TRIO: variants seen among roughly 807,000 people sequenced by gnomAD.
The protein encoded by TRIO is triple functional domain protein.
Under a neutral mutation model 351.9 loss-of-function variants are expected in TRIO, and 58 were observed. That is an observed-to-expected ratio of 0.16 (90% confidence interval 0.13 to 0.21). The LOEUF (loss-of-function observed/expected upper bound fraction) is 0.21. TRIO is among the 10% of genes least tolerant of loss of function. The pLI is 1.00. For missense variants in TRIO, 3,201 were observed against 4,027.8 expected (o/e 0.79, Z 5.56); for synonymous variants, 1,758 against 1,595.7 (o/e 1.10, Z -2.42).
rs1033261940 is a variant in TRIO at position 14,497,022 on chromosome 5, G to A, written c.8019+5G>A. 1.2e-6 allele frequency: 2 copies of A among 1,614,020 alleles called. No individual in the cohort carries two copies. The highest frequency in any genetic ancestry group is 1.7e-5 in the Admixed American group (1 of 59,998). On this transcript the variant is annotated splice_donor_5th_base_variant and intron_variant, in intron 50 of 56. Transcript: ENST00000344204. The surrounding 1 kb of genome is among the most constrained non-coding windows in gnomAD (Gnocchi z 4.4). Reference sequence around the variant, plus strand: ...AGCAACAAGGTATCTGTGAAGGTGTGTTCGGGGGTCTTCAGGAGTCCGTGT... The same window carrying A: ...AGCAACAAGGTATCTGTGAAGGTGTATTCGGGGGTCTTCAGGAGTCCGTGT...
rs978906407 is a variant in TRIO at position 14,228,331 on chromosome 5, T to A, written c.158-42494T>A. Among the ~76,000 whole-genome samples the A allele has an allele frequency of 2.0e-5, 3 of 152,194 alleles. No homozygotes were observed. The South Asian group carries it at 6.2e-4, about 31-fold the overall frequency. ...AAAACCATCCAGAATTGGAGACTGT[T>A]CCCTGCCGGGGGAACAGCCGCAAAC... On this transcript the variant is annotated intron_variant, in intron 1 of 56. Coordinates refer to ENST00000344204, the MANE Select transcript of TRIO (RefSeq NM_007118.4).
rs2152371734 is a variant in TRIO at position 14,396,986 on chromosome 5, T to G, written c.4312-57T>G. On this transcript the variant is annotated intron_variant, in intron 28 of 56. Transcript: ENST00000344204. ...CTTTCATAAACTGTTTCTGCCAAGGTCTTATTGGCAGAGCATTCTGCAGTC... is the reference window on the plus strand; with the variant it reads ...CTTTCATAAACTGTTTCTGCCAAGGGCTTATTGGCAGAGCATTCTGCAGTC... 4 of 1,446,524 alleles carry G rather than the reference T, an allele frequency of 2.8e-6. No homozygotes were observed. In the South Asian group the frequency reaches 3.7e-5, roughly 13 times the overall value. 89.6% of individuals were successfully genotyped at this position (1,446,524 alleles called of 1,614,324 possible).
At chr5:14,439,261 G>C (rs992483346) in intron 34 of TRIO, among the ~76,000 whole-genome samples, 1 of 152,136 alleles carries the variant, frequency 6.6e-6, no homozygotes, top group Admixed American at 6.5e-5. Flanking sequence ...TGATCCACCT[G>C]CCTCAGCCTC....
intron 21 of TRIO, among the ~76,000 whole-genome samples, chr5:14,381,764 G>C (rs1314125452): frequency 1.3e-5 from 2 of 152,204 alleles, no homozygotes; most frequent in African/African-American, 2.4e-5. Context: ...GCCTCTGTTA[G>C]TGCTTGTTCA....
Position 14,368,673 on chromosome 5 carries a change from A to C in TRIO, c.2875-35A>C, listed in dbSNP as rs376374900. ...TCCTTTCTAGTCAGTGGGGACACTG[A>C]CAAATAAGCCTTCCCTTTTGTTCTC... On this transcript the variant is annotated intron_variant, in intron 16 of 56. Transcript: ENST00000344204. 7 of 1,594,378 alleles carry C rather than the reference A, an allele frequency of 4.4e-6. No homozygotes were observed. The African/African-American group carries it at 9.4e-5, about 21-fold the overall frequency.
intron 34 of TRIO, among the ~76,000 whole-genome samples, chr5:14,459,662 C>T (rs564900843): frequency 3.9e-4 from 60 of 152,232 alleles, no homozygotes; most frequent in African/African-American, 1.3e-3. Context: ...CTCTTGAACC[C>T]GGGAGGCAGA....
chr5:14,321,223 A>G (rs1464617372), intron 9 of TRIO, among the ~76,000 whole-genome samples: 3 of 152,210 alleles, frequency 2.0e-5, no homozygotes, highest in Admixed American at 6.5e-5. Flanking sequence ...GGAGTGGGCA[A>G]TGGGAATTCC....
At chr5:14,311,449 G>A (rs529026748) in intron 8 of TRIO, among the ~76,000 whole-genome samples, 18 of 152,300 alleles carry the variant, frequency 1.2e-4, no homozygotes, top group East Asian at 3.9e-4. Context: ...TCTCCCTGAA[G>A]CATGGGAAAG....
intron 1 of TRIO, among the ~76,000 whole-genome samples, chr5:14,242,861 G>C (rs1320846375): frequency 2.6e-5 from 4 of 152,178 alleles, no homozygotes; most frequent in African/African-American, 9.7e-5. Context: ...ACTCTACTCT[G>C]CATTGTTGGA....
intron 9 of TRIO, among the ~76,000 whole-genome samples, chr5:14,328,444 CTAGT>C (rs771457968): frequency 3.5e-4 from 53 of 152,294 alleles, no homozygotes; most frequent in African/African-American, 1.2e-3. Context: ...GCTCAATACA[CTAGT>C]TAGTGTGCTC....
At chr5:14,484,706 C>T (rs551851795) in intron 46 of TRIO, among the ~76,000 whole-genome samples, 32 of 152,304 alleles carry the variant, frequency 2.1e-4, no homozygotes, top group Non-Finnish European at 3.4e-4. Flanking sequence ...CATCTGTCTT[C>T]ACAACTCTTC....
intron 2 of TRIO, among the ~76,000 whole-genome samples, chr5:14,273,047 T>C (rs987026673): frequency 6.6e-6 from 1 of 152,192 alleles, no homozygotes; most frequent in Non-Finnish European, 1.5e-5. Flanking sequence ...TTACCACTAA[T>C]TCCAGAACCT....
chr5:14,297,843 A>G (rs555715455), intron 7 of TRIO, among the ~76,000 whole-genome samples: 1 of 152,176 alleles, frequency 6.6e-6, no homozygotes. Flanking sequence ...AGCACACCTC[A>G]GCTCCACGCA....
Position 14,508,409 on chromosome 5 carries a change from T to C in TRIO, c.9281T>C (p.Leu3094Pro), listed in dbSNP as rs1430703650. The stretch of plus-strand genomic sequence containing the variant: ...AAAAACTTTCTGCAGAGCAGGCTTC[T>C]GCCTAGAGTTTGACCTATCCAGAAG... ...SIKNFLQSRL[L>P]PRV The change falls in exon 57 of 57, where the codon CTG becomes CCG. Residue 3094 changes from leucine (L) to proline (P), a missense_variant. By Grantham distance (98) the Leu-to-Pro change is moderately conservative. Around this residue, in one of 19 missense-constraint regions of TRIO, gnomAD observed 233 missense variants for 292.6 expected, o/e 0.80. Transcript: ENST00000344204. The C allele has an allele frequency of 6.2e-7, 1 of 1,607,998 alleles. No homozygotes were observed. Among genetic ancestry groups the C allele is most frequent in the South Asian group, 1.1e-5 (1 of 90,618 alleles).
chr5:14,316,883 G>C, intron 9 of TRIO, 140 bp downstream of exon 9: 1 of 1,006,302 alleles, frequency 9.9e-7, no homozygotes, highest in Non-Finnish European at 1.4e-6. Flanking sequence ...TTGAATGTAA[G>C]TGAAAACTGG....
At chr5:14,303,718 A>G (rs938908966) in intron 7 of TRIO, among the ~76,000 whole-genome samples, 5 of 152,046 alleles carry the variant, frequency 3.3e-5, no homozygotes, top group Middle Eastern at 3.2e-3. Flanking sequence ...GTGGCAGTGG[A>G]GGAGATTGAG....
At chr5:14,149,112 A>C (rs1386069246) in intron 1 of TRIO, among the ~76,000 whole-genome samples, 2 of 152,102 alleles carry the variant, frequency 1.3e-5, no homozygotes. Context: ...AGCATAGAGG[A>C]GTGGTCAGAG....
rs768370417 is a variant in TRIO at position 14,406,008 on chromosome 5, A to G, written c.4859+18A>G. The G allele has an allele frequency of 1.2e-6, 2 of 1,609,448 alleles. No individual in the cohort carries two copies. Among genetic ancestry groups the G allele is most frequent in the South Asian group, 2.2e-5 (2 of 90,916 alleles). On this transcript the variant is annotated intron_variant, in intron 32 of 56. Transcript: ENST00000344204. Reference sequence around the variant, plus strand: ...GGAAGGAGGTGCGTGTCTGGGCGCCACTGGAGGTTTGTGGATGTGGGAGGG... The same window carrying G: ...GGAAGGAGGTGCGTGTCTGGGCGCCGCTGGAGGTTTGTGGATGTGGGAGGG...
Position 14,498,018 on chromosome 5 carries a change from C to G in TRIO, c.8048-71C>G. ...AGCAGGTTAGGTCCTATCAATCTGT[C>G]GGGGACATGTGGGTGGGTGTGGAGG... On this transcript the variant is annotated intron_variant, in intron 51 of 56. Coordinates refer to ENST00000344204, the MANE Select transcript of TRIO (RefSeq NM_007118.4). 6.8e-6 allele frequency: 11 copies of G among 1,611,044 alleles called. No homozygotes were observed. In the South Asian group the frequency reaches 1.2e-4, roughly 18 times the overall value.
Sources: gnomAD v4.1 joint callset for allele counts (sites outside exome capture counted in the v4.1 genomes callset) on GRCh38, gnomAD v4.1.1 for gene constraint, gnomAD v4.1.1 regional missense constraint, Gnocchi (gnomAD v3.1) non-coding constraint, MANE v1.5 for transcripts, NCBI Gene and HGNC (gene_info 2026-07-23, HGNC 2026-07-21) for gene names.